DDHD1: variants seen among roughly 807,000 people sequenced by gnomAD.
The protein encoded by DDHD1 is phospholipase DDHD1.
Under a neutral mutation model 96.4 loss-of-function variants are expected in DDHD1, and 49 were observed. The ratio of observed to expected loss-of-function variants is 0.51; its 90% CI spans 0.40 to 0.64. DDHD1 has a LOEUF of 0.64. Among genes scored for constraint, DDHD1 ranks in the 30% least tolerant of loss-of-function variants. DDHD1 has a pLI of 0.00. For missense variants in DDHD1, 1,106 were observed against 1,161.2 expected (o/e 0.95, Z 0.69); for synonymous variants, 442 against 446.5 (o/e 0.99, Z 0.13).
At chr14:53,097,681 A>G (rs1292792145) in intron 2 of DDHD1, among the ~76,000 whole-genome samples, 3 of 152,014 alleles carry the variant, frequency 2.0e-5, no homozygotes, top group Admixed American at 6.6e-5. Flanking sequence ...AACCAATTCC[A>G]TATTATTAAA....
intron 2 of DDHD1, among the ~76,000 whole-genome samples, chr14:53,098,000 T>G (rs1446058642): frequency 3.3e-5 from 5 of 152,034 alleles, no homozygotes; most frequent in Non-Finnish European, 1.5e-5. Context: ...TTACACATCC[T>G]GTAGCATACA....
At chr14:53,125,941 T>C (rs896907690) in intron 1 of DDHD1, among the ~76,000 whole-genome samples, 1 of 152,192 alleles carries the variant, frequency 6.6e-6, no homozygotes, top group Non-Finnish European at 1.5e-5. Flanking sequence ...GACCTCGTGA[T>C]CTGCCTGCCT....
chr14:53,103,989 A>G (rs1887504644), intron 1 of DDHD1, 133 bp from the exon 2 acceptor site: 2 of 704,856 alleles, frequency 2.8e-6, no homozygotes, highest in Non-Finnish European at 4.4e-6. Flanking sequence ...ACAATCATCT[A>G]AACTTTTATT....
rs141698845 is a variant in DDHD1 at position 53,085,325 on chromosome 14, T to C, written c.1289+6460A>G. 7.0e-4 allele frequency among the ~76,000 whole-genome samples: 106 copies of C among 152,284 alleles called. No homozygotes were observed. The East Asian group carries it at 0.015, about 21-fold the overall frequency. ...AGAATGGACAGATTGCCTCCTCAAGTGGGTCCCTGACCCCTATGCAGCCTA... is the reference window on the plus strand; with the variant it reads ...AGAATGGACAGATTGCCTCCTCAAGCGGGTCCCTGACCCCTATGCAGCCTA... On this transcript the variant is annotated intron_variant, in intron 4 of 12. Transcript: ENST00000673822.
intron 2 of DDHD1, chr14:53,103,445 T>C: frequency 2.4e-6 from 1 of 414,084 alleles, no homozygotes; most frequent in Admixed American, 4.1e-5. Flanking sequence ...ATCTGTACAT[T>C]TATAGTAAAC....
chr14:53,042,153 A>T lies in DDHD1; in HGVS notation c.*4615T>A, dbSNP rs922233882. On this transcript the variant is annotated 3_prime_UTR_variant, in exon 13 of 13. Transcript: ENST00000673822. ...CATTTCTCTAGGTAAATGCCAAATT[A>T]AAAAATATGGTTAAATAAATTTGGA... 3 of 152,204 alleles carry T rather than the reference A, an allele frequency of 2.0e-5. No individual in the cohort carries two copies. Among genetic ancestry groups the T allele is most frequent in the East Asian group, 1.9e-4 (1 of 5,192 alleles). 9.4% of individuals were successfully genotyped at this position (152,204 alleles called of 1,614,324 possible). A position where few individuals can be genotyped will look rare whatever the true frequency, so the allele number is the denominator to read the frequency against.
chr14:53,122,401 G>A (rs2139804106), intron 1 of DDHD1, among the ~76,000 whole-genome samples: 1 of 152,220 alleles, frequency 6.6e-6, no homozygotes, highest in East Asian at 1.9e-4. Context: ...TCCCCATGGG[G>A]CAGCACTTTG....
At position 53,041,292 on chromosome 14, in the gene DDHD1, T is replaced by C. The variant is rs566029746; in HGVS notation, c.*5476A>G. On this transcript the variant is annotated 3_prime_UTR_variant, in exon 13 of 13. Transcript: ENST00000673822. Reference sequence around the variant, plus strand: ...TGAAAAACCATAAGGTAGCAGACAATACTAAGCATGCACCCGCCCTTATAC... The same window carrying C: ...TGAAAAACCATAAGGTAGCAGACAACACTAAGCATGCACCCGCCCTTATAC... 2.0e-5 allele frequency: 3 copies of C among 152,108 alleles called. No individual in the cohort carries two copies. In the South Asian group the frequency reaches 6.2e-4, roughly 32 times the overall value. The allele number at this position is 152,108 out of a possible 1,614,324, so 9.4% of individuals were successfully genotyped here.
chr14:53,119,671 T>C (rs1411651470), intron 1 of DDHD1, among the ~76,000 whole-genome samples: 1 of 152,122 alleles, frequency 6.6e-6, no homozygotes, highest in Non-Finnish European at 1.5e-5. Context: ...ATAAACGTAA[T>C]CCATCATATA....
At chr14:53,131,534 G>A (rs181440122) in intron 1 of DDHD1, among the ~76,000 whole-genome samples, 48 of 152,070 alleles carry the variant, frequency 3.2e-4, no homozygotes, top group Admixed American at 1.1e-3. Context: ...TTCTGTTCTG[G>A]ATCTCAAACA....
intron 1 of DDHD1, among the ~76,000 whole-genome samples, chr14:53,109,577 G>GTA (rs989096352): frequency 9.2e-5 from 14 of 152,080 alleles, no homozygotes; most frequent in African/African-American, 3.1e-4. Flanking sequence ...TGGTTTCTGT[G>GTA]TATATATATG....
At position 53,042,027 on chromosome 14, in the gene DDHD1, T is replaced by C. The variant is rs912248181; in HGVS notation, c.*4741A>G. 3.3e-4 allele frequency: 51 copies of C among 152,312 alleles called. No homozygotes were observed. Among genetic ancestry groups the C allele is most frequent in the African/African-American group, 1.2e-3 (48 of 41,556 alleles). 9.4% of individuals were successfully genotyped at this position (152,312 alleles called of 1,614,324 possible). A position where few individuals can be genotyped will look rare whatever the true frequency, so the allele number is the denominator to read the frequency against. On this transcript the variant is annotated 3_prime_UTR_variant, in exon 13 of 13. Transcript: ENST00000673822. ...ACTAGGTTCTAATTCTGACTGTCAT[T>C]CATTGGCCATGTGATTGTATAGGGT...
intron 4 of DDHD1, among the ~76,000 whole-genome samples, chr14:53,089,114 T>C (rs1394932367): frequency 6.6e-6 from 1 of 152,158 alleles, no homozygotes; most frequent in African/African-American, 2.4e-5. Context: ...ACAAGGGATG[T>C]GAAGGACCTC....
At chr14:53,134,930 A>ACCCCT (rs2058329116) in intron 1 of DDHD1, among the ~76,000 whole-genome samples, 1 of 151,400 alleles carries the variant, frequency 6.6e-6, no homozygotes, top group African/African-American at 2.4e-5. Context: ...CCACAATATC[A>ACCCCT]CCCCTTACCC....
At chr14:53,124,937 T>A (rs1243728096) in intron 1 of DDHD1, among the ~76,000 whole-genome samples, 1 of 152,186 alleles carries the variant, frequency 6.6e-6, no homozygotes, top group Non-Finnish European at 1.5e-5. Context: ...GATGGTCATC[T>A]TCTTGCTGTG....
At chr14:53,095,075 A>C (rs1886768791) in intron 2 of DDHD1, among the ~76,000 whole-genome samples, 1 of 152,244 alleles carries the variant, frequency 6.6e-6, no homozygotes, top group Admixed American at 6.5e-5. Flanking sequence ...GAAGTAGTGA[A>C]GAAATTGATA....
chr14:53,152,129 C>CGGTGGT, intron 1 of DDHD1, 132 bp downstream of exon 1: 147 of 911,390 alleles, frequency 1.6e-4, no homozygotes, highest in South Asian at 5.8e-4. Flanking sequence ...TGCTCAATCT[C>CGGTGGT]CATCCTGCCC....
chr14:53,142,915 CA>C (rs1267664521), intron 1 of DDHD1, among the ~76,000 whole-genome samples: 1 of 152,160 alleles, frequency 6.6e-6, no homozygotes, highest in Non-Finnish European at 1.5e-5. Flanking sequence ...AGTGAGGAAA[CA>C]GACTACAAAT....
intron 2 of DDHD1, chr14:53,102,929 G>A: frequency 1.0e-5 from 12 of 1,191,390 alleles, no homozygotes; most frequent in Non-Finnish European, 1.4e-5. Context: ...AGCTTGCCAA[G>A]AAACCTCCCA....
Sources: allele counts gnomAD v4.1 joint callset (sites outside exome capture counted in the v4.1 genomes callset), GRCh38; gene constraint gnomAD v4.1.1; transcripts MANE v1.5; gene names NCBI Gene and HGNC (gene_info 2026-07-23, HGNC 2026-07-21).